The following TMTC4 variants were observed in gnomAD, a reference collection of about 807,000 sequenced individuals.
TMTC4 encodes transmembrane O-mannosyltransferase targeting cadherins 4.
TMTC4 carries 65 observed loss-of-function variants against 86.0 expected under a neutral mutation model. The observed-to-expected ratio is 0.76, with a 90% CI of 0.62 to 0.93. The LOEUF is 0.93. Ranked by LOEUF, TMTC4 falls within the 40% of genes least tolerant of loss-of-function variation. The pLI, the probability that TMTC4 is intolerant of heterozygous loss-of-function variation, is 0.00. For missense variants in TMTC4, 866 were observed against 948.1 expected (o/e 0.91, Z 1.14); for synonymous variants, 379 against 382.5 (o/e 0.99, Z 0.11).
chr13:100,631,345 C>T (rs1332137669), intron 12 of TMTC4, among the ~76,000 whole-genome samples: 3 of 152,140 alleles, frequency 2.0e-5, no homozygotes, highest in Admixed American at 6.5e-5. Context: ...CATAAAAATC[C>T]TATAGCATCC....
At chr13:100,633,553 C>G (rs1881751261) in intron 12 of TMTC4, among the ~76,000 whole-genome samples, 1 of 152,126 alleles carries the variant, frequency 6.6e-6, no homozygotes, top group Non-Finnish European at 1.5e-5. Context: ...AAATTCCTAC[C>G]AGATTGCTTC....
At chr13:100,614,734 G>A (rs1206392195) in intron 15 of TMTC4, among the ~76,000 whole-genome samples, 5 of 152,142 alleles carry the variant, frequency 3.3e-5, no homozygotes, top group African/African-American at 4.8e-5. Context: ...AACAAGGTCC[G>A]AACCTGTAAT....
chr13:100,606,364 T>C lies in TMTC4; in HGVS notation c.2128A>G (p.Asn710Asp). ...AGTTGAACATTTTTCTTACCCAAAT[T>C]ACCATGGTAACTTGCAGCATTTGGA... ...ANPNAASYHG[N>D]LAVLYHRWGH... Residue 710 changes from asparagine (N) to aspartate (D), a missense_variant, in exon 18 of 19, where the codon AAT becomes GAT. Transcript: ENST00000342624. The C allele has an allele frequency of 6.2e-7, 1 of 1,613,426 alleles. No homozygotes were observed. The highest frequency in any genetic ancestry group is 8.5e-7 in the Non-Finnish European group (1 of 1,179,814).
At chr13:100,663,210 C>T (rs758745217) in intron 4 of TMTC4, 30 bp from the exon 5 acceptor site, 36 of 1,604,398 alleles carry the variant, frequency 2.2e-5, no homozygotes, top group African/African-American at 1.6e-4. Flanking sequence ...TCAGGGTACA[C>T]GCGCAGCGGC....
rs1878345520 is a variant in TMTC4, at chr13:100,615,530, G to A, written c.1837-1100C>T. On this transcript the variant is annotated intron_variant, in intron 15 of 18. Coordinates refer to ENST00000342624, the MANE Select transcript of TMTC4 (RefSeq NM_032813.5). ...TGGCTCACTGCAACCTCTGCTCACT[G>A]CAACGTCTGCCTCCCAAGTTCGAAC... Among the ~76,000 whole-genome samples the A allele has an allele frequency of 1.3e-5, 2 of 152,108 alleles. 1 individual carries two copies.
intron 6 of TMTC4, among the ~76,000 whole-genome samples, chr13:100,648,776 C>T (rs1360116413): frequency 1.3e-5 from 2 of 152,212 alleles, no homozygotes; most frequent in East Asian, 3.8e-4. Context: ...ACCTCCCAGG[C>T]TCAAGCAATC....
chr13:100,627,380 C>A, intron 12 of TMTC4, among the ~76,000 whole-genome samples: 1 of 152,196 alleles, frequency 6.6e-6, no homozygotes, highest in Non-Finnish European at 1.5e-5. Flanking sequence ...ACACAACACA[C>A]TTCTCTCACA....
At chr13:100,638,061 T>C (rs372079431) in intron 7 of TMTC4, 39 bp from the exon 8 acceptor site, 25 of 1,544,898 alleles carry the variant, frequency 1.6e-5, no homozygotes, top group Non-Finnish European at 2.1e-5. Context: ...ACGGGAGAGC[T>C]TGGCTGTGTT....
chr13:100,651,054 G>C (rs1299221222), intron 6 of TMTC4, among the ~76,000 whole-genome samples: 1 of 152,166 alleles, frequency 6.6e-6, no homozygotes, highest in Non-Finnish European at 1.5e-5. Context: ...TTGATATTAT[G>C]AGTAAGAATT....
chr13:100,623,527 C>G (rs556180450), intron 15 of TMTC4, among the ~76,000 whole-genome samples: 1 of 152,158 alleles, frequency 6.6e-6, no homozygotes, highest in Non-Finnish European at 1.5e-5. Context: ...GCCACTGTGC[C>G]CAGTTTATTA....
chr13:100,625,366 T>TA, intron 15 of TMTC4, 169 bp downstream of exon 15: 9 of 952,394 alleles, frequency 9.4e-6, no homozygotes, highest in Non-Finnish European at 1.4e-5. Context: ...ATGAGAGCTT[T>TA]AAAAAATTAC....
chr13:100,626,323 C>G (rs1346255473), intron 12 of TMTC4, among the ~76,000 whole-genome samples, 173 bp from the exon 13 acceptor site: 1 of 152,184 alleles, frequency 6.6e-6, no homozygotes, highest in Non-Finnish European at 1.5e-5. Flanking sequence ...CTTTAATCTC[C>G]AACCCTGTAA....
At chr13:100,614,075 G>A (rs1878081643) in intron 16 of TMTC4, among the ~76,000 whole-genome samples, 1 of 151,844 alleles carries the variant, frequency 6.6e-6, no homozygotes, top group Non-Finnish European at 1.5e-5. Flanking sequence ...CTGACCTCAG[G>A]TGATCTGCCC....
chr13:100,619,197 G>A (rs1879079467), intron 15 of TMTC4, among the ~76,000 whole-genome samples: 1 of 152,120 alleles, frequency 6.6e-6, no homozygotes, highest in Non-Finnish European at 1.5e-5. Flanking sequence ...TCCTGGATGG[G>A]GCGGCCGGCC....
intron 1 of TMTC4, 140 bp downstream of exon 1, chr13:100,674,604 C>A (rs1187540257): frequency 1.0e-6 from 1 of 982,944 alleles, no homozygotes; most frequent in East Asian, 1.2e-4. Flanking sequence ...GGAACCAACT[C>A]CTCCAGCAGC....
chr13:100,622,760 T>C (rs969045147), intron 15 of TMTC4, among the ~76,000 whole-genome samples: 1 of 152,196 alleles, frequency 6.6e-6, no homozygotes, highest in Non-Finnish European at 1.5e-5. Context: ...CACTTCACTT[T>C]AGTATTTCTT....
At chr13:100,630,019 CTGTGTGTATGTGTGTGTGTGTGTG>C (rs1359167264) in intron 12 of TMTC4, among the ~76,000 whole-genome samples, 2 of 146,680 alleles carry the variant, frequency 1.4e-5, no homozygotes, top group Admixed American at 6.7e-5. Flanking sequence ...GCCACCCAAT[CTGTGTGTATGTGTGTGTGTGTGTG>C]TGTGTGTGTG....
chr13:100,674,561 C>G lies in TMTC4; in HGVS notation c.-208+183G>C, dbSNP rs1887594385. ...GGCTCACACAGGGGCCCGCGTCCCC[C>G]GTGACCCCGGCCCGGGCCGCAGCTC... On this transcript the variant is annotated intron_variant, in intron 1 of 18. Transcript: ENST00000342624. 3.1e-6 allele frequency: 3 copies of G among 982,396 alleles called. No homozygotes were observed. The South Asian group carries it at 1.4e-4, about 46-fold the overall frequency. The allele number at this position is 982,396 out of a possible 1,614,324, so 60.9% of individuals were successfully genotyped here.
chr13:100,645,583 C>T (rs1329582470), intron 6 of TMTC4, among the ~76,000 whole-genome samples: 2 of 152,082 alleles, frequency 1.3e-5, no homozygotes, highest in African/African-American at 4.8e-5. Flanking sequence ...TCTCCATGTC[C>T]CTGACTGCCC....
Sources: allele counts gnomAD v4.1 joint callset (sites outside exome capture counted in the v4.1 genomes callset), GRCh38; gene constraint gnomAD v4.1.1; transcripts MANE v1.5; gene names NCBI Gene and HGNC (gene_info 2026-07-23, HGNC 2026-07-21).